The following WNK3 variants were observed in gnomAD, a reference collection of about 807,000 sequenced individuals.
WNK3 encodes the protein serine/threonine-protein kinase WNK3.
In WNK3, 18 loss-of-function variants were observed where a neutral mutation model predicts 116.7. The observed-to-expected ratio is 0.15, with a 90% CI of 0.11 to 0.23. The LOEUF is 0.23. Among genes scored for constraint, WNK3 ranks in the 10% least tolerant of loss-of-function variants. The probability of loss-of-function intolerance (pLI) is 1.00; values close to 1 mark genes in which losing one functional copy is unlikely to be tolerated. For synonymous variants in WNK3, 404 were observed against 469.4 expected (o/e 0.86, Z 1.80); for missense variants, 993 against 1,323.8 (o/e 0.75, Z 3.88).
intron 20 of WNK3, 66 bp downstream of exon 20, chrX:54,236,872 A>G (rs2067966739): frequency 1.8e-6 from 2 of 1,103,273 alleles, no homozygotes; most frequent in Admixed American, 3.1e-5. Context: ...TTAGTTACCA[A>G]TCCAATACTA....
intron 17 of WNK3, among the ~76,000 whole-genome samples, chrX:54,243,014 T>C (rs1196097424): frequency 2.7e-5 from 3 of 110,648 alleles, no homozygotes; most frequent in Non-Finnish European, 5.7e-5. Context: ...GGTCTCACTA[T>C]GTTGACCAGG....
Position 54,317,683 on chromosome X carries a change from G to A in WNK3, c.538-6392C>T, listed in dbSNP as rs376117817. Reference sequence around the variant, plus strand: ...ATCTCGCTCTGTCGCCCAGGCTGGAGTGCGGTGGTGCCATCTCAGCTCACT... The same window carrying A: ...ATCTCGCTCTGTCGCCCAGGCTGGAATGCGGTGGTGCCATCTCAGCTCACT... On this transcript the variant is annotated intron_variant, in intron 2 of 23. Transcript: ENST00000354646. Among the ~76,000 whole-genome samples the A allele has an allele frequency of 8.4e-5, 9 of 107,056 alleles. 1 individual carries two copies. The highest frequency in any genetic ancestry group is 2.7e-4 in the African/African-American group (8 of 29,351). 93.0% of individuals were successfully genotyped at this position (107,056 alleles called of 115,157 possible).
intron 6 of WNK3, 79 bp from the exon 7 acceptor site, chrX:54,298,473 T>A: frequency 1.4e-6 from 1 of 736,592 alleles, no homozygotes; most frequent in Non-Finnish European, 1.9e-6. Flanking sequence ...ATTAATTGTA[T>A]AAAAGCAAAA....
At chrX:54,307,855 C>A in intron 5 of WNK3, 67 bp downstream of exon 5, 1 of 1,056,781 alleles carries the variant, frequency 9.5e-7, no homozygotes, top group South Asian at 2.7e-5. Flanking sequence ...TTGAGTAAGT[C>A]AAACTTAACT....
At chrX:54,281,709 GTCC>G (rs2068518211) in intron 10 of WNK3, among the ~76,000 whole-genome samples, 1 of 111,262 alleles carries the variant, frequency 9.0e-6, no homozygotes, top group Non-Finnish European at 1.9e-5. Context: ...TTAGCATAAT[GTCC>G]TCCTGGTTCA....
chrX:54,284,354 T>C (rs2147080097), intron 10 of WNK3, among the ~76,000 whole-genome samples: 1 of 111,624 alleles, frequency 9.0e-6, no homozygotes, highest in Admixed American at 9.6e-5. Context: ...GATACCACTA[T>C]ACAACAACTA....
intron 10 of WNK3, among the ~76,000 whole-genome samples, chrX:54,262,101 A>G (rs2068262266): frequency 8.9e-6 from 1 of 111,990 alleles, no homozygotes; most frequent in South Asian, 3.7e-4. Flanking sequence ...AATGGGAAAA[A>G]TCACCTAGAA....
rs1491230973 is a variant in WNK3, at chrX:54,222,915, A to AATAATATATAT, written c.4870+5798_4870+5799insATATATATTAT. 6.5e-4 allele frequency among the ~76,000 whole-genome samples: 53 copies of AATAATATATAT among 80,990 alleles called. 1 individual carries two copies. The highest frequency in any genetic ancestry group is 3.1e-3 in the African/African-American group (53 of 17,212). 70.3% of individuals were successfully genotyped at this position (80,990 alleles called of 115,157 possible). On this transcript the variant is annotated intron_variant, in intron 22 of 23. Transcript: ENST00000354646. ...ATAGTATAATAATAATAATAATAATAATATATATATATATATATATATATA... is the reference window on the plus strand; with the variant it reads ...ATAGTATAATAATAATAATAATAATAATAATATATATATATATATATATATATATATATATA...
At chrX:54,354,359 C>T (rs1247309446) in intron 1 of WNK3, among the ~76,000 whole-genome samples, 3 of 112,180 alleles carry the variant, frequency 2.7e-5, no homozygotes, top group African/African-American at 9.7e-5. Context: ...TGAAAGAATT[C>T]TGGCTTTTGG....
intron 22 of WNK3, among the ~76,000 whole-genome samples, chrX:54,209,801 T>G (rs2067594114): frequency 9.0e-6 from 1 of 110,502 alleles, no homozygotes. Flanking sequence ...TCTGCTCACC[T>G]CAGCCTCCCC....
intron 22 of WNK3, among the ~76,000 whole-genome samples, chrX:54,216,090 TAA>T (rs1330795579): frequency 9.1e-6 from 1 of 109,557 alleles, no homozygotes; most frequent in African/African-American, 3.3e-5. Context: ...GCATGCTCGT[TAA>T]GAGTCATCAC....
intron 22 of WNK3, among the ~76,000 whole-genome samples, chrX:54,204,050 T>C (rs1240960673): frequency 1.8e-5 from 2 of 112,056 alleles, no homozygotes; most frequent in Non-Finnish European, 3.8e-5. Flanking sequence ...ATCTCAATGA[T>C]TGCATATGCA....
intron 10 of WNK3, among the ~76,000 whole-genome samples, chrX:54,259,766 C>T (rs1313017704): frequency 1.8e-5 from 2 of 111,425 alleles, no homozygotes; most frequent in Non-Finnish European, 3.8e-5. Flanking sequence ...TTTCTCTAGA[C>T]TATTTCAACT....
At chrX:54,249,142 C>T in exon 17 of WNK3, 1 of 1,211,701 alleles carries the variant, frequency 8.3e-7, no homozygotes, top group Non-Finnish European at 1.1e-6. Context: ...CTTAGGAGAA[C>T]TTGCTTCAGT....
At chrX:54,242,582 T>A (rs1391744099) in intron 17 of WNK3, among the ~76,000 whole-genome samples, 1 of 112,455 alleles carries the variant, frequency 8.9e-6, no homozygotes, top group Non-Finnish European at 1.9e-5. Flanking sequence ...GGATAGATAT[T>A]GGGAGTGATG....
Position 54,306,161 on chromosome X carries a change from G to A in WNK3, c.1089+1761C>T, listed in dbSNP as rs148486978. ...TCGAAAAGATGAAAGATAAGTGTTGGTGAGGATGCAGAGAAAAGGGAACCC... is the reference window on the plus strand; with the variant it reads ...TCGAAAAGATGAAAGATAAGTGTTGATGAGGATGCAGAGAAAAGGGAACCC... On this transcript the variant is annotated intron_variant, in intron 5 of 23. Transcript: ENST00000354646. 2.9e-3 allele frequency among the ~76,000 whole-genome samples: 329 copies of A among 111,886 alleles called. 3 individuals carry two copies. Among genetic ancestry groups the A allele is most frequent in the Non-Finnish European group, 4.1e-3 (217 of 53,206 alleles).
At chrX:54,253,109 C>G (rs1311948897) in intron 13 of WNK3, among the ~76,000 whole-genome samples, 1 of 108,740 alleles carries the variant, frequency 9.2e-6, no homozygotes, top group Non-Finnish European at 1.9e-5. Flanking sequence ...TTACATCATT[C>G]TTACACATTG....
At position 54,294,550 on chromosome X, in the gene WNK3, T is replaced by A. The variant is rs1310006017; in HGVS notation, c.1693+3A>T. ...TTGCTTTTACAAGCTGTAACTGTGT[T>A]ACCTGTAACAGAGGAGCAGTGCTGC... On this transcript the variant is annotated splice_donor_region_variant and intron_variant, in intron 8 of 23. Coordinates refer to ENST00000354646, the Ensembl canonical transcript of WNK3. 3 of 1,150,207 alleles carry A rather than the reference T, an allele frequency of 2.6e-6. No homozygotes were observed. The African/African-American group carries it at 5.4e-5, about 21-fold the overall frequency. The allele number at this position is 1,150,207 out of a possible 1,213,427, so 94.8% of individuals were successfully genotyped here. A position where few individuals can be genotyped will look rare whatever the true frequency, so the allele number is the denominator to read the frequency against.
At chrX:54,253,737 T>C (rs1272938315) in intron 13 of WNK3, among the ~76,000 whole-genome samples, 1 of 112,015 alleles carries the variant, frequency 8.9e-6, no homozygotes, top group Non-Finnish European at 1.9e-5. Context: ...CATTTAGCTA[T>C]ATTATCTCTA....
Sources: gnomAD v4.1 joint callset for allele counts (sites outside exome capture counted in the v4.1 genomes callset) on GRCh38, gnomAD v4.1.1 for gene constraint, MANE v1.5 for transcripts, NCBI Gene and HGNC (gene_info 2026-07-23, HGNC 2026-07-21) for gene names.